The following VAT1L variants were observed in gnomAD, a reference collection of about 807,000 sequenced individuals.
VAT1L encodes vesicle amine transport 1 like.
A neutral mutation model predicts 44.1 loss-of-function variants in VAT1L; 34 were observed. The ratio of observed to expected loss-of-function variants is 0.77; its 90% CI spans 0.59 to 1.03. The LOEUF (loss-of-function observed/expected upper bound fraction) is 1.03. VAT1L is among the 50% of genes least tolerant of loss of function. VAT1L has a pLI of 0.00. For missense variants in VAT1L, 615 were observed against 538.8 expected, an observed-to-expected ratio of 1.14 and a Z score of -1.40; for synonymous variants, 253 against 202.2, an observed-to-expected ratio of 1.25 and a Z score of -2.13.
chr16:77,928,459 G>C (rs2017693236), intron 7 of VAT1L, among the ~76,000 whole-genome samples: 1 of 152,158 alleles, frequency 6.6e-6, no homozygotes, highest in Admixed American at 6.5e-5. Flanking sequence ...ATCAAGTATT[G>C]AGATTTTTCA....
chr16:77,951,529 G>C (rs1431113281), intron 7 of VAT1L, among the ~76,000 whole-genome samples: 1 of 151,780 alleles, frequency 6.6e-6, no homozygotes, highest in Non-Finnish European at 1.5e-5. Context: ...CAGGGCAATG[G>C]AGTGAGACTC....
chr16:77,978,167 G>C lies in VAT1L; in HGVS notation c.*472G>C, dbSNP rs2018361534. 3 of 157,310 alleles carry C rather than the reference G, an allele frequency of 1.9e-5. No homozygotes were observed. The highest frequency in any genetic ancestry group is 1.8e-4 in the Admixed American group (3 of 16,646). 9.7% of individuals were successfully genotyped at this position (157,310 alleles called of 1,614,324 possible). On this transcript the variant is annotated 3_prime_UTR_variant, in exon 9 of 9. Coordinates refer to ENST00000302536, the MANE Select transcript of VAT1L (RefSeq NM_020927.3). Reference sequence around the variant, plus strand: ...CTTGCCAATTTGGCCAGCAGAAAGAGAGTAGGCCGGATGTTTTCATGAGCC... The same window carrying C: ...CTTGCCAATTTGGCCAGCAGAAAGACAGTAGGCCGGATGTTTTCATGAGCC...
rs959557931 is a variant in VAT1L at position 77,923,796 on chromosome 16, A to G, written c.1077+38994A>G. 7.2e-5 allele frequency among the ~76,000 whole-genome samples: 11 copies of G among 152,284 alleles called. No individual in the cohort carries two copies. In the South Asian group the frequency reaches 1.5e-3, roughly 20 times the overall value. On this transcript the variant is annotated intron_variant, in intron 7 of 8. Transcript: ENST00000302536. ...CACTACACTGGGGAGAGAGGAAAAC[A>G]AAACAAAACAAAACAAAAGCTGCTG...
At chr16:77,895,777 G>A (rs1392103504) in intron 7 of VAT1L, among the ~76,000 whole-genome samples, 2 of 152,252 alleles carry the variant, frequency 1.3e-5, no homozygotes, top group Non-Finnish European at 2.9e-5. Context: ...CTTACAGAGT[G>A]CCTGCCTGCT....
intron 1 of VAT1L, among the ~76,000 whole-genome samples, chr16:77,792,344 C>A (rs2015849786): frequency 6.6e-6 from 1 of 152,130 alleles, no homozygotes. Context: ...AGCTCTGATA[C>A]TTGCTAACTG....
At chr16:77,843,837 G>A (rs531892298) in intron 3 of VAT1L, among the ~76,000 whole-genome samples, 1 of 152,350 alleles carries the variant, frequency 6.6e-6, no homozygotes, top group East Asian at 1.9e-4. Flanking sequence ...AGCATGGGGA[G>A]ACAATTAGAC....
chr16:77,885,727 T>A (rs1414298954), intron 7 of VAT1L, among the ~76,000 whole-genome samples: 1 of 152,110 alleles, frequency 6.6e-6, no homozygotes, highest in Admixed American at 6.5e-5. Flanking sequence ...AAATACTTTT[T>A]AAAAAAATAA....
chr16:77,948,427 T>C (rs964592358), intron 7 of VAT1L, among the ~76,000 whole-genome samples: 5 of 152,254 alleles, frequency 3.3e-5, no homozygotes, highest in African/African-American at 1.2e-4. Flanking sequence ...AAACATATGC[T>C]GGGTCCTTAG....
intron 7 of VAT1L, among the ~76,000 whole-genome samples, chr16:77,900,411 G>A (rs910268252): frequency 6.6e-6 from 1 of 151,914 alleles, no homozygotes. Context: ...TAGGAAAAAA[G>A]GGCCGGGCAA....
At chr16:77,964,704 T>C (rs2018202710) in intron 7 of VAT1L, among the ~76,000 whole-genome samples, 1 of 151,638 alleles carries the variant, frequency 6.6e-6, no homozygotes, top group African/African-American at 2.4e-5. Flanking sequence ...GGGATCTTGT[T>C]TAACTGGGTC....
At chr16:77,915,066 G>C (rs556965691) in intron 7 of VAT1L, among the ~76,000 whole-genome samples, 1 of 152,018 alleles carries the variant, frequency 6.6e-6, no homozygotes, top group South Asian at 2.1e-4. Flanking sequence ...CGGAGGTTGC[G>C]GTGAGCCGAG....
At chr16:77,852,152 C>T (rs2016814490) in intron 3 of VAT1L, among the ~76,000 whole-genome samples, 1 of 152,186 alleles carries the variant, frequency 6.6e-6, no homozygotes, top group Non-Finnish European at 1.5e-5. Context: ...AACAACAAAA[C>T]TGTGCTGGCT....
intron 7 of VAT1L, among the ~76,000 whole-genome samples, chr16:77,958,465 C>T (rs2018127402): frequency 6.6e-6 from 1 of 152,222 alleles, no homozygotes; most frequent in Non-Finnish European, 1.5e-5. Flanking sequence ...CCAGGTCTCA[C>T]TCCCATGTAG....
At chr16:77,882,216 T>C (rs1034870758) in intron 6 of VAT1L, 2 of 152,202 alleles carry the variant, frequency 1.3e-5, no homozygotes, top group Non-Finnish European at 2.9e-5. Flanking sequence ...CAAGAAGGGC[T>C]TAGAAATTAA....
intron 7 of VAT1L, among the ~76,000 whole-genome samples, chr16:77,937,324 T>C (rs375223924): frequency 2.0e-5 from 3 of 152,190 alleles, no homozygotes; most frequent in East Asian, 3.9e-4. Context: ...ACCTTCAGGA[T>C]CCAGAGGTTA....
intron 7 of VAT1L, among the ~76,000 whole-genome samples, chr16:77,970,702 C>G (rs573898919): frequency 6.6e-6 from 1 of 152,222 alleles, no homozygotes; most frequent in Admixed American, 6.5e-5. Flanking sequence ...TTTTTTTCCC[C>G]ATAATTTAAA....
chr16:77,973,766 C>A (rs1244025579), intron 8 of VAT1L, among the ~76,000 whole-genome samples: 1 of 151,904 alleles, frequency 6.6e-6, no homozygotes, highest in Non-Finnish European at 1.5e-5. Flanking sequence ...CGCTCTGTCG[C>A]CCAGGCTGGA....
At chr16:77,911,179 C>T (rs1405767764) in intron 7 of VAT1L, among the ~76,000 whole-genome samples, 1 of 152,224 alleles carries the variant, frequency 6.6e-6, no homozygotes, top group African/African-American at 2.4e-5. Context: ...AAAAACATAA[C>T]CTCCATCTCA....
At chr16:77,807,367 C>G (rs887914420) in intron 1 of VAT1L, among the ~76,000 whole-genome samples, 3 of 152,170 alleles carry the variant, frequency 2.0e-5, no homozygotes, top group African/African-American at 7.2e-5. Context: ...AGCCTGCACC[C>G]CCTCCCTGGG....
Sources: allele counts gnomAD v4.1 joint callset (sites outside exome capture counted in the v4.1 genomes callset), GRCh38; gene constraint gnomAD v4.1.1; transcripts MANE v1.5; gene names NCBI Gene and HGNC (gene_info 2026-07-23, HGNC 2026-07-21).